Variants in C10orf90 observed in about 807,000 individuals in gnomAD.
C10orf90 encodes (E2-independent) E3 ubiquitin-conjugating enzyme FATS.
In C10orf90, 56 loss-of-function variants were observed where a neutral mutation model predicts 62.5. The ratio of observed to expected loss-of-function variants is 0.90; its 90% CI spans 0.72 to 1.12. The LOEUF (loss-of-function observed/expected upper bound fraction) is 1.12. Ranked by LOEUF, C10orf90 falls within the 50% of genes most tolerant of loss-of-function variation. The pLI is 0.00. For missense variants in C10orf90, 970 were observed against 880.4 expected, an observed-to-expected ratio of 1.10 and a Z score of -1.29; for synonymous variants, 386 against 340.4, an observed-to-expected ratio of 1.13 and a Z score of -1.47.
chr10:126,532,990 T>G (rs544696073), intron 2 of C10orf90, among the ~76,000 whole-genome samples: 16 of 151,098 alleles, frequency 1.1e-4, no homozygotes, highest in Admixed American at 9.3e-4. Flanking sequence ...TGGAGTGCAG[T>G]GGCGCTATCT....
At chr10:126,572,272 G>T (rs1007529960) in intron 2 of C10orf90, among the ~76,000 whole-genome samples, 1 of 152,118 alleles carries the variant, frequency 6.6e-6, no homozygotes, top group Non-Finnish European at 1.5e-5. Flanking sequence ...CTACACTCCT[G>T]TTACAGGAAA....
intron 1 of C10orf90, among the ~76,000 whole-genome samples, chr10:126,655,233 G>A (rs1400232222): frequency 2.0e-5 from 3 of 152,200 alleles, no homozygotes; most frequent in South Asian, 2.1e-4. Flanking sequence ...CAGGGGAATC[G>A]CTTGAACCCA....
intron 2 of C10orf90, among the ~76,000 whole-genome samples, chr10:126,585,323 AAGAGAGGG>A (rs71032508): frequency 0.056 from 8,141 of 145,746 alleles, 316 homozygotes; most frequent in Non-Finnish European, 0.083. Flanking sequence ...GAAGGGGAGG[AAGAGAGGG>A]AGAGAGGGAG....
At position 126,646,623 on chromosome 10, in the gene C10orf90, G is replaced by A. The variant is rs1331883420; in HGVS notation, c.255C>T (p.Leu85=). The A allele has an allele frequency of 2.2e-6, 1 of 447,362 alleles. No individual in the cohort carries two copies. The highest frequency in any genetic ancestry group is 2.4e-5 in the Admixed American group (1 of 40,996). 27.7% of individuals were successfully genotyped at this position (447,362 alleles called of 1,614,324 possible). A position where few individuals can be genotyped will look rare whatever the true frequency, so the allele number is the denominator to read the frequency against. Residue 85 remains leucine (L), a synonymous_variant, in exon 2 of 10, where the codon CTC becomes CTT. Transcript: ENST00000488181. ...CAGAATGATCTTTGGGGGATGAGAA[G>A]AGTCGACTGTGGATCTAGAAAACAA... ...TASRYEIHSR[L]FSSPKDHSAW...
rs746933496 is a variant in C10orf90, at chr10:126,464,912, C to G, written c.1609G>C (p.Val537Leu). The change falls in exon 5 of 10, where the codon GTG becomes CTG. Residue 537 changes from valine to leucine, a missense_variant. Coordinates refer to ENST00000488181, the MANE Select transcript of C10orf90 (RefSeq NM_001350921.2). ...AAATGTCTAGTGGGCTTCTGTTCCA[C>G]TGGAGGAGCAGACACAGTCATACAT... The part of the protein sequence containing the change: ...EVCMTVSAPP[V>L]EQKPTRHFLP... 9 of 1,613,576 alleles carry G rather than the reference C, an allele frequency of 5.6e-6. No individual in the cohort carries two copies. The South Asian group carries it at 8.8e-5, about 16-fold the overall frequency.
chr10:126,475,469 G>A (rs533846056), intron 4 of C10orf90, among the ~76,000 whole-genome samples: 4 of 152,230 alleles, frequency 2.6e-5, no homozygotes, highest in Admixed American at 2.6e-4. Flanking sequence ...TTGGCACATC[G>A]ACTCACCACA....
intron 2 of C10orf90, among the ~76,000 whole-genome samples, chr10:126,546,337 G>A (rs914910200): frequency 3.3e-5 from 5 of 152,256 alleles, no homozygotes; most frequent in African/African-American, 1.2e-4. Context: ...AAGCCAGGCT[G>A]AGCGGGAGCC....
intron 4 of C10orf90, among the ~76,000 whole-genome samples, chr10:126,496,374 A>T (rs1862058206): frequency 6.6e-6 from 1 of 152,254 alleles, no homozygotes; most frequent in Admixed American, 6.5e-5. Context: ...CGTGTTTATG[A>T]TGAGGAGGAA....
chr10:126,458,581 T>C (rs1032971292), intron 7 of C10orf90, among the ~76,000 whole-genome samples: 6 of 152,168 alleles, frequency 3.9e-5, no homozygotes, highest in Non-Finnish European at 7.3e-5. Flanking sequence ...GGCCTCACAG[T>C]GCTGGGAAGC....
intron 1 of C10orf90, among the ~76,000 whole-genome samples, chr10:126,648,355 G>A (rs1366748743): frequency 6.6e-6 from 1 of 152,206 alleles, no homozygotes; most frequent in Non-Finnish European, 1.5e-5. Flanking sequence ...CTTACCAGAT[G>A]CAAGTACCTT....
chr10:126,655,249 C>G (rs932178341), intron 1 of C10orf90, among the ~76,000 whole-genome samples: 1 of 152,028 alleles, frequency 6.6e-6, no homozygotes, highest in Non-Finnish European at 1.5e-5. Flanking sequence ...ACCCAGGAGG[C>G]GGAGGTGGCA....
chr10:126,546,202 C>G (rs906713396), intron 2 of C10orf90, among the ~76,000 whole-genome samples: 5 of 152,210 alleles, frequency 3.3e-5, no homozygotes, highest in African/African-American at 1.2e-4. Flanking sequence ...CCACTCTACT[C>G]CAGCCAAACC....
Position 126,532,169 on chromosome 10 carries a change from G to A in C10orf90, c.314-18230C>T, listed in dbSNP as rs1864111306. Among the ~76,000 whole-genome samples the A allele has an allele frequency of 3.9e-5, 6 of 152,230 alleles. No individual in the cohort carries two copies. The South Asian group carries it at 1.2e-3, about 32-fold the overall frequency. ...CCTCCAACCTGCCAGGGCTAAGTCT[G>A]GTTTTCTTCCATCTCATTGCATCTC... On this transcript the variant is annotated intron_variant, in intron 2 of 9. Coordinates refer to ENST00000488181, the MANE Select transcript of C10orf90 (RefSeq NM_001350921.2).
chr10:126,567,634 C>A (rs1338706818), intron 2 of C10orf90, among the ~76,000 whole-genome samples: 1 of 152,084 alleles, frequency 6.6e-6, no homozygotes, highest in East Asian at 1.9e-4. Context: ...CTGGAGGAGA[C>A]CACAGAAAGG....
chr10:126,563,874 G>A (rs1035539145), intron 2 of C10orf90, among the ~76,000 whole-genome samples: 7 of 152,282 alleles, frequency 4.6e-5, no homozygotes, highest in African/African-American at 1.4e-4. Flanking sequence ...CCTGTGCAGG[G>A]CCAGATGAGT....
intron 7 of C10orf90, among the ~76,000 whole-genome samples, chr10:126,454,714 G>T (rs1354445567): frequency 1.3e-5 from 2 of 152,084 alleles, no homozygotes; most frequent in Non-Finnish European, 2.9e-5. Flanking sequence ...AGCCTATCCT[G>T]CTCTGGATTC....
chr10:126,605,584 C>T (rs1056255517), intron 2 of C10orf90, among the ~76,000 whole-genome samples: 1 of 152,142 alleles, frequency 6.6e-6, no homozygotes, highest in African/African-American at 2.4e-5. Context: ...CAGCTCCTAG[C>T]CCCTAGCTCT....
In C10orf90 at chr10:126,504,587, C is replaced by T; in HGVS notation, c.904G>A (p.Val302Met). 6.2e-7 allele frequency: 1 copy of T among 1,614,188 alleles called. No homozygotes were observed. The highest frequency in any genetic ancestry group is 8.5e-7 in the Non-Finnish European group (1 of 1,180,032). Reference protein sequence around the residue: ...CTEFSRNSSVVRLKVPEAHTG... With the variant: ...CTEFSRNSSVMRLKVPEAHTG... ...TGGGCCTCGGGAACCTTCAGCCGCACCACGGAGCTGTTTCTGGAGAACTCT... is the reference window on the plus strand; with the variant it reads ...TGGGCCTCGGGAACCTTCAGCCGCATCACGGAGCTGTTTCTGGAGAACTCT... Residue 302 changes from valine to methionine, a missense_variant, in exon 4 of 10, where the codon GTG becomes ATG. Val to Met is a conservative substitution (Grantham distance 21). Transcript: ENST00000488181. The surrounding 1 kb of genome is among the most constrained non-coding windows in gnomAD (Gnocchi z 4.1).
At chr10:126,428,103 A>C (rs1857364498) in intron 8 of C10orf90, among the ~76,000 whole-genome samples, 1 of 152,202 alleles carries the variant, frequency 6.6e-6, no homozygotes, top group African/African-American at 2.4e-5. Context: ...TCGTCACAGA[A>C]GGGGCTCACA....
Sources: allele counts gnomAD v4.1 joint callset (sites outside exome capture counted in the v4.1 genomes callset), GRCh38; gene constraint gnomAD v4.1.1; non-coding constraint Gnocchi (gnomAD v3.1); transcripts MANE v1.5; gene names NCBI Gene and HGNC (gene_info 2026-07-23, HGNC 2026-07-21).